The following FMNL2 variants were observed in gnomAD, a reference collection of about 807,000 sequenced individuals.
FMNL2 encodes formin like 2, also known as formin-like protein 2.
In FMNL2, 51 loss-of-function variants were observed where a neutral mutation model predicts 130.2. The observed-to-expected ratio is 0.39, with a 90% CI of 0.31 to 0.49. FMNL2 has a LOEUF of 0.49. Among genes scored for constraint, FMNL2 ranks in the 20% least tolerant of loss-of-function variants. FMNL2 has a pLI of 0.85. For missense variants in FMNL2, 977 were observed against 1,316.2 expected, an observed-to-expected ratio of 0.74 and a Z score of 3.99; for synonymous variants, 465 against 467.1, an observed-to-expected ratio of 1.00 and a Z score of 0.06.
chr2:152,453,718 C>T (rs1688784389), intron 1 of FMNL2, among the ~76,000 whole-genome samples: 1 of 152,126 alleles, frequency 6.6e-6, no homozygotes, highest in Non-Finnish European at 1.5e-5. Flanking sequence ...AGATTGTATG[C>T]CATTCTGTCC....
intron 2 of FMNL2, among the ~76,000 whole-genome samples, chr2:152,533,108 C>A (rs1579899838): frequency 1.3e-5 from 2 of 152,180 alleles, no homozygotes; most frequent in African/African-American, 4.8e-5. Flanking sequence ...TTTTAAGTGG[C>A]TCTTGCATTT....
intron 9 of FMNL2, among the ~76,000 whole-genome samples, chr2:152,584,298 G>A (rs1696946602): frequency 6.6e-6 from 1 of 152,166 alleles, no homozygotes; most frequent in African/African-American, 2.4e-5. Flanking sequence ...GGCAGAGAGA[G>A]TACCATACCA....
At chr2:152,517,448 T>C (rs1692836521) in intron 1 of FMNL2, among the ~76,000 whole-genome samples, 1 of 152,074 alleles carries the variant, frequency 6.6e-6, no homozygotes, top group African/African-American at 2.4e-5. Context: ...CTCAGTCCAG[T>C]GGGAAATTTA....
chr2:152,523,455 ACACTGATATCCT>A (rs1441352926), intron 2 of FMNL2, among the ~76,000 whole-genome samples: 1 of 152,150 alleles, frequency 6.6e-6, no homozygotes, highest in Admixed American at 6.5e-5. Flanking sequence ...TTTTCCCTCC[ACACTGATATCCT>A]CACTGAAAAA....
intron 1 of FMNL2, among the ~76,000 whole-genome samples, chr2:152,428,543 C>T (rs1432323286): frequency 1.3e-5 from 2 of 152,118 alleles, no homozygotes; most frequent in Non-Finnish European, 2.9e-5. Context: ...AATTTAAGAG[C>T]CTTTTTCCTT....
At chr2:152,372,663 C>A (rs1291837593) in intron 1 of FMNL2, among the ~76,000 whole-genome samples, 3 of 152,166 alleles carry the variant, frequency 2.0e-5, no homozygotes, top group African/African-American at 7.2e-5. Context: ...GCTGACCTTG[C>A]ACTTCTGAGA....
At chr2:152,621,314 G>A (rs947581363) in intron 15 of FMNL2, among the ~76,000 whole-genome samples, 13 of 152,212 alleles carry the variant, frequency 8.5e-5, no homozygotes, top group African/African-American at 2.4e-4. Context: ...TTAGCCGAGT[G>A]AGAGCCCAGA....
At position 152,485,938 on chromosome 2, in the gene FMNL2, G is replaced by A. The variant is rs999138331; in HGVS notation, c.118-36005G>A. On this transcript the variant is annotated intron_variant, in intron 1 of 25. Coordinates refer to ENST00000288670, the MANE Select transcript of FMNL2 (RefSeq NM_052905.4). ...GGCTGTGCAGGGACATGGGAGGAGCGTGCAATTTCTGAAAAAGAATATTTA... is the reference window on the plus strand; with the variant it reads ...GGCTGTGCAGGGACATGGGAGGAGCATGCAATTTCTGAAAAAGAATATTTA... Among the ~76,000 whole-genome samples the A allele has an allele frequency of 7.9e-5, 12 of 152,262 alleles. No homozygotes were observed. The South Asian group carries it at 1.2e-3, about 16-fold the overall frequency.
intron 1 of FMNL2, among the ~76,000 whole-genome samples, chr2:152,481,997 C>T (rs1291300889): frequency 6.6e-6 from 1 of 152,144 alleles, no homozygotes; most frequent in Non-Finnish European, 1.5e-5. Context: ...GGTGAACTTT[C>T]CTCCGTCATG....
intron 25 of FMNL2, among the ~76,000 whole-genome samples, chr2:152,645,165 GTTTGCTGTCAGT>G (rs1683442257): frequency 6.6e-6 from 1 of 152,298 alleles, no homozygotes; most frequent in South Asian, 2.1e-4. Context: ...CTTGGCTGAT[GTTTGCTGTCAGT>G]TTTGCTGTTG....
chr2:152,491,318 G>T (rs1188818793), intron 1 of FMNL2, among the ~76,000 whole-genome samples: 5 of 152,138 alleles, frequency 3.3e-5, no homozygotes, highest in African/African-American at 1.2e-4. Context: ...AGGGGGCCAG[G>T]CAGGGGTCGG....
chr2:152,343,532 G>A (rs1261269855), intron 1 of FMNL2, among the ~76,000 whole-genome samples: 5 of 151,318 alleles, frequency 3.3e-5, no homozygotes, highest in African/African-American at 7.3e-5. Context: ...CTGACCTCAA[G>A]TGATCCACCA....
At chr2:152,419,441 G>C (rs1686790814) in intron 1 of FMNL2, among the ~76,000 whole-genome samples, 1 of 152,110 alleles carries the variant, frequency 6.6e-6, no homozygotes, top group Admixed American at 6.5e-5. Context: ...GCTAAGTGAA[G>C]TAAGCGAAAC....
chr2:152,423,831 T>C (rs978649763), intron 1 of FMNL2, among the ~76,000 whole-genome samples: 1 of 152,204 alleles, frequency 6.6e-6, no homozygotes, highest in Non-Finnish European at 1.5e-5. Flanking sequence ...GGTGAAGGTC[T>C]GAAAAGCCTG....
intron 1 of FMNL2, among the ~76,000 whole-genome samples, chr2:152,439,441 T>C (rs1033365007): frequency 6.6e-6 from 1 of 152,142 alleles, no homozygotes; most frequent in African/African-American, 2.4e-5. Flanking sequence ...ATTTTCTTAC[T>C]TTTAAGTAAT....
Position 152,557,737 on chromosome 2 carries a change from A to G in FMNL2, c.360-1003A>G, listed in dbSNP as rs73968073. Reference sequence around the variant, plus strand: ...TTAATAACTAACAAAACTGGCTTCCATAGTCACTATCATGTCCATAGCTGG... The same window carrying G: ...TTAATAACTAACAAAACTGGCTTCCGTAGTCACTATCATGTCCATAGCTGG... On this transcript the variant is annotated intron_variant, in intron 4 of 25. Coordinates refer to ENST00000288670, the MANE Select transcript of FMNL2 (RefSeq NM_052905.4). Among the ~76,000 whole-genome samples the G allele has an allele frequency of 9.5e-4, 145 of 152,370 alleles. 2 individuals are homozygous for G. The highest frequency in any genetic ancestry group is 3.2e-3 in the African/African-American group (135 of 41,594).
chr2:152,512,726 T>TA (rs1437730753), intron 1 of FMNL2, among the ~76,000 whole-genome samples: 1 of 152,194 alleles, frequency 6.6e-6, no homozygotes, highest in African/African-American at 2.4e-5. Context: ...TTCACTGGTT[T>TA]AAAAAATGGA....
chr2:152,500,000 C>G (rs960224276), intron 1 of FMNL2, among the ~76,000 whole-genome samples: 4 of 152,068 alleles, frequency 2.6e-5, no homozygotes, highest in Admixed American at 2.6e-4. Flanking sequence ...TCTGCTTTCT[C>G]TTTTGCAGTC....
At chr2:152,638,322 G>T (rs978109997) in intron 23 of FMNL2, among the ~76,000 whole-genome samples, 2 of 152,212 alleles carry the variant, frequency 1.3e-5, no homozygotes, top group Non-Finnish European at 2.9e-5. Context: ...AAGGCTGTTA[G>T]AAGATTTTAG....
Sources: allele counts gnomAD v4.1 joint callset (sites outside exome capture counted in the v4.1 genomes callset), GRCh38; gene constraint gnomAD v4.1.1; transcripts MANE v1.5; gene names NCBI Gene and HGNC (gene_info 2026-07-23, HGNC 2026-07-21).